The following RC3H2 variants were observed in gnomAD, a reference collection of about 807,000 sequenced individuals.
The protein encoded by RC3H2 is roquin-2.
Under a neutral mutation model 133.3 loss-of-function variants are expected in RC3H2, and 31 were observed. That is an observed-to-expected ratio of 0.23 (90% CI 0.17 to 0.31). RC3H2 has a LOEUF of 0.31. RC3H2 is among the 10% of genes least tolerant of loss of function. RC3H2 has a pLI of 1.00. For synonymous variants in RC3H2, 517 were observed against 502.2 expected, an observed-to-expected ratio of 1.03 and a Z score of -0.40; for missense variants, 1,175 against 1,437.2, an observed-to-expected ratio of 0.82 and a Z score of 2.95.
At chr9:122,900,176 ATAAT>A (rs1214156676) in intron 1 of RC3H2, among the ~76,000 whole-genome samples, 5 of 152,236 alleles carry the variant, frequency 3.3e-5, no homozygotes, top group Non-Finnish European at 5.9e-5. Context: ...AGGTTTTAAC[ATAAT>A]TAATACTGAG....
intron 3 of RC3H2, among the ~76,000 whole-genome samples, chr9:122,890,829 C>G (rs1480353153): frequency 6.6e-6 from 1 of 152,048 alleles, no homozygotes. Flanking sequence ...CTCTTAGATT[C>G]TACTCCTATG....
intron 9 of RC3H2, among the ~76,000 whole-genome samples, chr9:122,872,469 ACTT>A (rs1248578788): frequency 2.0e-5 from 3 of 152,238 alleles, no homozygotes; most frequent in South Asian, 2.1e-4. Flanking sequence ...CTCTAAAATG[ACTT>A]CTTATTGCAA....
rs746277135 is a variant in RC3H2 at position 122,857,967 on chromosome 9, G to T, written c.2410C>A (p.Pro804Thr). ...CTGAACAGAGGAGAAGGTGGTGTTGGTGACTGTGTTGCCACAGGAAGAGTT... is the reference window on the plus strand; with the variant it reads ...CTGAACAGAGGAGAAGGTGGTGTTGTTGACTGTGTTGCCACAGGAAGAGTT... ...SSTLPVATQS[P>T]TPPSPLFSVD... The change falls in exon 13 of 21, where the codon CCA becomes ACA. Residue 804 changes from proline to threonine, a missense_variant. Pro to Thr is a conservative substitution (Grantham distance 38). Around this residue, in one of 8 missense-constraint regions of RC3H2, gnomAD observed 490 missense variants for 492.8 expected, o/e 0.99. Transcript: ENST00000357244. The T allele has an allele frequency of 3.1e-6, 5 of 1,614,176 alleles. No individual in the cohort carries two copies. The South Asian group carries it at 5.5e-5, about 18-fold the overall frequency.
chr9:122,891,012 ATTTTTTT>A (rs10571749), intron 3 of RC3H2, among the ~76,000 whole-genome samples: 1 of 72,822 alleles, frequency 1.4e-5, no homozygotes, highest in South Asian at 4.8e-4. Context: ...AATCTGCCCC[ATTTTTTT>A]TTTTTTTTTT....
chr9:122,880,072 C>A lies in RC3H2; in HGVS notation c.1014G>T (p.Leu338Phe). ...AGTTAGCTGGGTCACCTGTTCGTTG[C>A]AAAACAATTGTCAATTCCTGGACAC... is the stretch of plus-strand genomic sequence containing the variant. ...AKSVQELTIV[L>F]QRTGDPANLN... The change falls in exon 7 of 21, where the codon TTG (leucine) becomes TTT (phenylalanine). Residue 338 changes from leucine (L) to phenylalanine (F), a missense_variant. Physicochemically the swap from Leu to Phe is conservative, Grantham distance 22. Around this residue, in one of 8 missense-constraint regions of RC3H2, gnomAD observed 131 missense variants for 154.2 expected, o/e 0.85. Transcript: ENST00000357244. 6.2e-7 allele frequency: 1 copy of A among 1,614,090 alleles called. No individual in the cohort carries two copies. The highest frequency in any genetic ancestry group is 8.5e-7 in the Non-Finnish European group (1 of 1,179,988).
intron 9 of RC3H2, among the ~76,000 whole-genome samples, chr9:122,871,508 G>GGC (rs1831090146): frequency 8.0e-6 from 1 of 125,098 alleles, no homozygotes; most frequent in Non-Finnish European, 1.7e-5. Flanking sequence ...CGTGTTAGTG[G>GGC]GGGGGGGGGT....
At position 122,881,516 on chromosome 9, in the gene RC3H2, G is replaced by T. The variant is rs527485365; in HGVS notation, c.760-722C>A. Among the ~76,000 whole-genome samples the T allele has an allele frequency of 1.3e-4, 19 of 149,560 alleles. No individual in the cohort carries two copies. The South Asian group carries it at 4.1e-3, about 32-fold the overall frequency. The stretch of plus-strand genomic sequence containing the variant: ...GGGGAGAAATAGAATTTTTAAAAGA[G>T]AAACAAGTGGTGAAACAGAAACATG... On this transcript the variant is annotated intron_variant, in intron 5 of 20. Coordinates refer to ENST00000357244, the MANE Select transcript of RC3H2 (RefSeq NM_001100588.3).
At chr9:122,883,497 T>G in intron 4 of RC3H2, 118 bp from the exon 5 acceptor site, 2 of 655,460 alleles carry the variant, frequency 3.1e-6, no homozygotes, top group Non-Finnish European at 4.9e-6. Context: ...AATTTATATT[T>G]AATTAGCACA....
Position 122,849,767 on chromosome 9 carries a change from C to T in RC3H2, c.3436G>A (p.Val1146Met). 6.3e-7 allele frequency: 1 copy of T among 1,595,260 alleles called. No homozygotes were observed. Among genetic ancestry groups the T allele is most frequent in the Non-Finnish European group, 8.5e-7 (1 of 1,171,504 alleles). ...AGGCAACTTGCATTGCTAATAGACA[C>T]TGGGAGTGGCTGGCTAAAGCAAGAA... Reference protein sequence around the residue: ...VTSCFSQPLPVSISNASCLPI... With the variant: ...VTSCFSQPLPMSISNASCLPI... Residue 1146 changes from valine to methionine, a missense_variant, in exon 21 of 21, where the codon GTG (valine) becomes ATG (methionine). Physicochemically the swap from Val to Met is conservative, Grantham distance 21 (BLOSUM62 1). Coordinates refer to ENST00000357244, the MANE Select transcript of RC3H2 (RefSeq NM_001100588.3).
rs1478831582 is a variant in RC3H2 at position 122,859,978 on chromosome 9, A to C, written c.1788T>G (p.Ile596Met). The stretch of plus-strand genomic sequence containing the variant: ...GAGTCCTTGGATCTTGAAAATACTG[A>C]ATGTTTTCAGAATGCGGAGGATATA... Reference protein sequence around the residue: ...VPVYPPHSENIQYFQDPRTQI... With the variant: ...VPVYPPHSENMQYFQDPRTQI... Residue 596 changes from isoleucine (I) to methionine (M), a missense_variant, in exon 11 of 21, where the codon ATT (isoleucine) becomes ATG (methionine). Physicochemically the swap from Ile to Met is conservative, Grantham distance 10 (BLOSUM62 1). Coordinates refer to ENST00000357244, the MANE Select transcript of RC3H2 (RefSeq NM_001100588.3). 6.2e-7 allele frequency: 1 copy of C among 1,614,128 alleles called. No homozygotes were observed. Among genetic ancestry groups the C allele is most frequent in the African/African-American group, 1.3e-5 (1 of 75,008 alleles).
chr9:122,846,685 G>T lies in RC3H2; in HGVS notation c.*2942C>A, dbSNP rs1239030658. On this transcript the variant is annotated 3_prime_UTR_variant, in exon 21 of 21. Transcript: ENST00000357244. ...GACAATAGGTAACATATGCAGTTTGGTTACCCACATTACACATTTCCTCTC... is the reference window on the plus strand; with the variant it reads ...GACAATAGGTAACATATGCAGTTTGTTTACCCACATTACACATTTCCTCTC... The T allele has an allele frequency of 6.6e-6, 1 of 152,114 alleles. No homozygotes were observed. The highest frequency in any genetic ancestry group is 1.5e-5 in the Non-Finnish European group (1 of 68,000). 9.4% of individuals were successfully genotyped at this position (152,114 alleles called of 1,614,324 possible).
At chr9:122,880,856 T>C (rs1006322434) in intron 5 of RC3H2, 62 bp from the exon 6 acceptor site, 1 of 1,210,178 alleles carries the variant, frequency 8.3e-7, no homozygotes, top group Non-Finnish European at 1.2e-6. Context: ...AACTGATTCG[T>C]TTATTCCTTT....
intron 10 of RC3H2, among the ~76,000 whole-genome samples, chr9:122,861,405 G>A (rs965615980): frequency 7.3e-5 from 11 of 150,416 alleles, no homozygotes; most frequent in African/African-American, 1.7e-4. Context: ...CAGGAGAATC[G>A]CTTGAACCCA....
At chr9:122,903,101 T>C (rs1190888932) in intron 1 of RC3H2, among the ~76,000 whole-genome samples, 1 of 140,790 alleles carries the variant, frequency 7.1e-6, no homozygotes. Flanking sequence ...AGTGCAACTC[T>C]AGAATATTTA....
intron 9 of RC3H2, among the ~76,000 whole-genome samples, chr9:122,873,357 C>T (rs1403325566): frequency 6.6e-6 from 1 of 152,124 alleles, no homozygotes; most frequent in African/African-American, 2.4e-5. Flanking sequence ...ATTATTTGCT[C>T]CTCCACATAA....
At chr9:122,858,249 A>C (rs1830325680) in intron 12 of RC3H2, among the ~76,000 whole-genome samples, 156 bp from the exon 13 acceptor site, 1 of 152,240 alleles carries the variant, frequency 6.6e-6, no homozygotes, top group South Asian at 2.1e-4. Flanking sequence ...TTAAAATAAA[A>C]AGGTTAATAT....
At position 122,844,568 on chromosome 9, in the gene RC3H2, C is replaced by T. The variant is rs1320380397; in HGVS notation, c.*5059G>A. On this transcript the variant is annotated 3_prime_UTR_variant, in exon 21 of 21. Transcript: ENST00000357244. ...TTAAACAAACAACTTTTAAGGTGGA[C>T]AAATAATTTTATTTTGTGCATGCAA... The T allele has an allele frequency of 6.6e-6, 1 of 152,148 alleles. No homozygotes were observed. Among genetic ancestry groups the T allele is most frequent in the African/African-American group, 2.4e-5 (1 of 41,440 alleles). The allele number at this position is 152,148 out of a possible 1,614,324, so 9.4% of individuals were successfully genotyped here.
intron 5 of RC3H2, among the ~76,000 whole-genome samples, chr9:122,882,749 T>A (rs1424110363): frequency 6.6e-6 from 1 of 152,220 alleles, no homozygotes; most frequent in Non-Finnish European, 1.5e-5. Flanking sequence ...ACTTTCCATT[T>A]CCTGGTTGTA....
chr9:122,851,645 C>T (rs907572713), intron 18 of RC3H2: 14 of 569,914 alleles, frequency 2.5e-5, no homozygotes, highest in South Asian at 4.7e-5. Context: ...TGCAGGCGCG[C>T]GCCGCCACGC....
Sources: allele counts gnomAD v4.1 joint callset (sites outside exome capture counted in the v4.1 genomes callset), GRCh38; gene constraint gnomAD v4.1.1; regional missense constraint gnomAD v4.1.1; transcripts MANE v1.5; gene names NCBI Gene and HGNC (gene_info 2026-07-23, HGNC 2026-07-21).